GRM7: variants seen among roughly 807,000 people sequenced by gnomAD.
The protein encoded by GRM7 is metabotropic glutamate receptor 7.
Under a neutral mutation model 84.5 loss-of-function variants are expected in GRM7, and 35 were observed. The observed-to-expected ratio is 0.41, with a 90% CI of 0.32 to 0.55. The LOEUF (loss-of-function observed/expected upper bound fraction) is 0.55, where lower values mean the gene tolerates loss of function less well. Ranked by LOEUF, GRM7 falls within the 20% of genes least tolerant of loss-of-function variation. GRM7 has a pLI of 0.19. For missense variants in GRM7, 1,003 were observed against 1,194.6 expected, an observed-to-expected ratio of 0.84 and a Z score of 2.36; for synonymous variants, 487 against 455.1, an observed-to-expected ratio of 1.07 and a Z score of -0.89.
At chr3:6,877,811 A>G (rs200833580) in intron 1 of GRM7, among the ~76,000 whole-genome samples, 1 of 7,222 alleles carries the variant, frequency 1.4e-4, no homozygotes, top group Non-Finnish European at 3.4e-4. Context: ...CACAGATATC[A>G]CACACACACA....
intron 1 of GRM7, among the ~76,000 whole-genome samples, chr3:6,972,253 T>A (rs1693785432): frequency 6.6e-6 from 1 of 152,138 alleles, no homozygotes; most frequent in South Asian, 2.1e-4. Context: ...GCACTCAATT[T>A]ATTAAAAAAG....
At chr3:7,691,307 T>A in intron 9 of GRM7, 1 of 1,254,958 alleles carries the variant, frequency 8.0e-7, no homozygotes, top group Non-Finnish European at 1.0e-6. Context: ...AAACATGACA[T>A]GGATCAGCAA....
chr3:7,021,331 G>T (rs1327513389), intron 1 of GRM7, among the ~76,000 whole-genome samples: 1 of 152,096 alleles, frequency 6.6e-6, no homozygotes, highest in Admixed American at 6.5e-5. Flanking sequence ...CCCTCACCCT[G>T]CCCTGGGGTG....
At chr3:7,332,318 C>T (rs1200278138) in intron 4 of GRM7, among the ~76,000 whole-genome samples, 1 of 152,158 alleles carries the variant, frequency 6.6e-6, no homozygotes, top group Non-Finnish European at 1.5e-5. Flanking sequence ...AGAAATAGAA[C>T]TAAGATCATA....
intron 1 of GRM7, among the ~76,000 whole-genome samples, chr3:7,085,657 A>G (rs552969442): frequency 6.6e-6 from 1 of 152,270 alleles, no homozygotes; most frequent in East Asian, 1.9e-4. Flanking sequence ...CTCAAAAGTT[A>G]AGAAGGAGTT....
intron 5 of GRM7, among the ~76,000 whole-genome samples, chr3:7,426,846 G>A (rs1423959110): frequency 6.6e-6 from 1 of 152,136 alleles, no homozygotes; most frequent in Non-Finnish European, 1.5e-5. Flanking sequence ...AGTGGTTGTT[G>A]AGAAACTACT....
At chr3:6,994,245 T>G (rs1694752072) in intron 1 of GRM7, among the ~76,000 whole-genome samples, 1 of 152,202 alleles carries the variant, frequency 6.6e-6, no homozygotes, top group Non-Finnish European at 1.5e-5. Context: ...TGTAAATTAC[T>G]ATTTCAGAGA....
At chr3:7,334,816 A>G (rs1282669270) in intron 4 of GRM7, among the ~76,000 whole-genome samples, 1 of 152,176 alleles carries the variant, frequency 6.6e-6, no homozygotes, top group Non-Finnish European at 1.5e-5. Flanking sequence ...ACAGTTAGAT[A>G]AAGAGGAACA....
intron 4 of GRM7, among the ~76,000 whole-genome samples, chr3:7,309,264 G>T (rs1245742833): frequency 6.6e-6 from 1 of 152,308 alleles, no homozygotes; most frequent in Non-Finnish European, 1.5e-5. Flanking sequence ...AAGAAGAAAT[G>T]CATTCAGTTA....
intron 7 of GRM7, among the ~76,000 whole-genome samples, chr3:7,510,347 G>C (rs1700161706): frequency 6.6e-6 from 1 of 152,146 alleles, no homozygotes; most frequent in Admixed American, 6.5e-5. Context: ...CATCAGGATT[G>C]TCTGTGCCTG....
chr3:7,362,475 G>A (rs542077204), intron 4 of GRM7, among the ~76,000 whole-genome samples: 77 of 151,894 alleles, frequency 5.1e-4, no homozygotes, highest in African/African-American at 1.9e-3. Flanking sequence ...AATTTTTAAA[G>A]ATACATTAGA....
chr3:7,185,148 A>G (rs926157341), intron 2 of GRM7, among the ~76,000 whole-genome samples: 2 of 152,164 alleles, frequency 1.3e-5, no homozygotes, highest in Admixed American at 6.5e-5. Context: ...TGCAAATGCG[A>G]CCACCATGGC....
chr3:7,082,791 G>T (rs1465928135), intron 1 of GRM7, among the ~76,000 whole-genome samples: 1 of 152,108 alleles, frequency 6.6e-6, no homozygotes, highest in Non-Finnish European at 1.5e-5. Flanking sequence ...ACTTTGAGGG[G>T]TTCAAGACAC....
rs189799233 is a variant in GRM7, at chr3:6,957,882, G to A, written c.519+95975G>A. Reference sequence around the variant, plus strand: ...AACAGGTATTCCACTAACTCTAAAAGACACTTGGATGCATTTTACAAAGAT... The same window carrying A: ...AACAGGTATTCCACTAACTCTAAAAAACACTTGGATGCATTTTACAAAGAT... On this transcript the variant is annotated intron_variant, in intron 1 of 9. Transcript: ENST00000357716. Among the ~76,000 whole-genome samples the A allele has an allele frequency of 4.0e-3, 606 of 152,288 alleles. 4 individuals carry two copies. Among genetic ancestry groups the A allele is most frequent in the African/African-American group, 0.014 (584 of 41,558 alleles).
rs141885210 is a variant in GRM7 at position 7,665,855 on chromosome 3, C to T, written c.2452-14194C>T. ...GTGTATTTAAGACTCTAAATCCACC[C>T]GTTATATATTTACACCTCAAAAAGA... On this transcript the variant is annotated intron_variant, in intron 8 of 9. Coordinates refer to ENST00000357716, the MANE Select transcript of GRM7 (RefSeq NM_000844.4). Among the ~76,000 whole-genome samples the T allele has an allele frequency of 5.7e-3, 866 of 152,146 alleles. 10 individuals carry two copies. The highest frequency in any genetic ancestry group is 0.02 in the African/African-American group (824 of 41,516).
chr3:7,640,273 A>G (rs1698306370), intron 8 of GRM7, among the ~76,000 whole-genome samples: 1 of 152,246 alleles, frequency 6.6e-6, no homozygotes, highest in Non-Finnish European at 1.5e-5. Context: ...GTGTAAAACT[A>G]CATGCCACTG....
chr3:7,437,865 CTAA>C (rs1318587649), intron 5 of GRM7, among the ~76,000 whole-genome samples: 7 of 151,690 alleles, frequency 4.6e-5, no homozygotes, highest in Admixed American at 6.6e-5. Flanking sequence ...GTAGAAGTCT[CTAA>C]TAATATAACA....
chr3:7,116,377 T>A (rs926122909), intron 1 of GRM7, among the ~76,000 whole-genome samples: 2 of 152,110 alleles, frequency 1.3e-5, no homozygotes, highest in African/African-American at 4.8e-5. Flanking sequence ...ATTGAATATA[T>A]AAAACCATCT....
chr3:6,969,156 T>A (rs904739307), intron 1 of GRM7, among the ~76,000 whole-genome samples: 1 of 152,060 alleles, frequency 6.6e-6, no homozygotes, highest in African/African-American at 2.4e-5. Context: ...TTTTGCTTGC[T>A]TTTTTTGTTA....
Sources: gnomAD v4.1 joint callset for allele counts (sites outside exome capture counted in the v4.1 genomes callset) on GRCh38, gnomAD v4.1.1 for gene constraint, MANE v1.5 for transcripts, NCBI Gene and HGNC (gene_info 2026-07-23, HGNC 2026-07-21) for gene names.